Variants in TNFRSF21 observed in about 807,000 individuals in gnomAD.
TNFRSF21 encodes the protein tumor necrosis factor receptor superfamily member 21.
Under a neutral mutation model 45.6 loss-of-function variants are expected in TNFRSF21, and 19 were observed. That is an observed-to-expected ratio of 0.42 (90% CI 0.29 to 0.61). The LOEUF (loss-of-function observed/expected upper bound fraction) is 0.61, where lower values mean the gene tolerates loss of function less well. Among genes scored for constraint, TNFRSF21 ranks in the 20% least tolerant of loss-of-function variants. TNFRSF21 has a pLI of 0.23. For missense variants in TNFRSF21, 737 were observed against 851.5 expected (o/e 0.87, Z 1.67); for synonymous variants, 314 against 335.5 (o/e 0.94, Z 0.70).
At chr6:47,237,983 G>A (rs538224639) in intron 4 of TNFRSF21, among the ~76,000 whole-genome samples, 5 of 152,288 alleles carry the variant, frequency 3.3e-5, no homozygotes, top group African/African-American at 1.2e-4. Context: ...CAGGGAGGTG[G>A]AGGTTGCAGT....
chr6:47,259,905 A>C (rs7744365), intron 3 of TNFRSF21, among the ~76,000 whole-genome samples: 1 of 152,138 alleles, frequency 6.6e-6, no homozygotes, highest in Non-Finnish European at 1.5e-5. Context: ...CAGATTTGTG[A>C]CTTGTTAGTT....
intron 3 of TNFRSF21, among the ~76,000 whole-genome samples, chr6:47,277,189 C>T (rs1297442545): frequency 6.6e-6 from 1 of 152,182 alleles, no homozygotes; most frequent in African/African-American, 2.4e-5. Flanking sequence ...GACAGAGTTT[C>T]GCCAAGTTGG....
chr6:47,300,977 A>G (rs1015500216), intron 1 of TNFRSF21, among the ~76,000 whole-genome samples: 1 of 152,262 alleles, frequency 6.6e-6, no homozygotes, highest in African/African-American at 2.4e-5. Flanking sequence ...AAGCAGGTAC[A>G]TACACATTAG....
intron 1 of TNFRSF21, among the ~76,000 whole-genome samples, chr6:47,295,624 A>G (rs1762780717): frequency 6.6e-6 from 1 of 152,198 alleles, no homozygotes; most frequent in African/African-American, 2.4e-5. Context: ...TTTTATTTTG[A>G]GCATCACATT....
intron 3 of TNFRSF21, among the ~76,000 whole-genome samples, chr6:47,266,306 A>AT (rs1762332466): frequency 1.3e-5 from 2 of 151,646 alleles, no homozygotes; most frequent in African/African-American, 2.4e-5. Context: ...GGAAGGAAAC[A>AT]TTTTTTTTCT....
intron 1 of TNFRSF21, among the ~76,000 whole-genome samples, chr6:47,300,343 C>A (rs888595855): frequency 6.6e-6 from 1 of 152,170 alleles, no homozygotes; most frequent in Non-Finnish European, 1.5e-5. Context: ...TCCTTCCTAT[C>A]TCGCCATCAG....
At chr6:47,288,084 G>T (rs1242305306) in intron 1 of TNFRSF21, among the ~76,000 whole-genome samples, 2 of 152,200 alleles carry the variant, frequency 1.3e-5, no homozygotes, top group Non-Finnish European at 2.9e-5. Flanking sequence ...GTATATATGT[G>T]CACCAGAAGG....
intron 4 of TNFRSF21, among the ~76,000 whole-genome samples, chr6:47,248,362 G>A (rs1314716586): frequency 4.6e-5 from 7 of 152,110 alleles, no homozygotes; most frequent in Non-Finnish European, 7.4e-5. Context: ...TAGAGAAATT[G>A]TTTGCCCAGG....
chr6:47,233,035 C>T (rs1320947055), intron 5 of TNFRSF21, 41 bp from the exon 6 acceptor site: 1 of 1,597,538 alleles, frequency 6.3e-7, no homozygotes, highest in Non-Finnish European at 8.6e-7. Context: ...TGTAAGGTGA[C>T]TGTACTGGCA....
intron 4 of TNFRSF21, among the ~76,000 whole-genome samples, chr6:47,242,751 T>C (rs1376427394): frequency 6.6e-6 from 1 of 152,100 alleles, no homozygotes; most frequent in African/African-American, 2.4e-5. Flanking sequence ...AAAGAGGAAG[T>C]GAGGACAGTG....
chr6:47,242,693 G>T (rs113630792), intron 4 of TNFRSF21, among the ~76,000 whole-genome samples: 68 of 152,328 alleles, frequency 4.5e-4, no homozygotes, highest in African/African-American at 1.5e-3. Context: ...TGACATCAAC[G>T]GTAGTGGTGT....
intron 4 of TNFRSF21, among the ~76,000 whole-genome samples, chr6:47,246,677 A>G (rs1884311): frequency 0.091 from 13,845 of 152,300 alleles, 1,413 homozygotes; most frequent in East Asian, 0.49. Context: ...CAAGGATGTA[A>G]GTAAAACAGA....
At chr6:47,247,744 C>T (rs1764843582) in intron 4 of TNFRSF21, among the ~76,000 whole-genome samples, 1 of 152,234 alleles carries the variant, frequency 6.6e-6, no homozygotes, top group African/African-American at 2.4e-5. Context: ...CAGGATCCAA[C>T]ACAGAGTCTA....
intron 1 of TNFRSF21, among the ~76,000 whole-genome samples, chr6:47,291,199 C>T (rs1055484965): frequency 2.0e-5 from 3 of 152,214 alleles, no homozygotes; most frequent in Admixed American, 6.5e-5. Flanking sequence ...AACTAAAAAG[C>T]TTGTGGCTCT....
chr6:47,292,062 C>A (rs1318712461), intron 1 of TNFRSF21, among the ~76,000 whole-genome samples: 1 of 152,170 alleles, frequency 6.6e-6, no homozygotes, highest in Non-Finnish European at 1.5e-5. Context: ...AAATCATTCC[C>A]AGTGATGATC....
chr6:47,257,006 A>C (rs1034902131), intron 3 of TNFRSF21, among the ~76,000 whole-genome samples: 1 of 152,178 alleles, frequency 6.6e-6, no homozygotes, highest in Non-Finnish European at 1.5e-5. Context: ...GGATAAGCTG[A>C]TTAACATTTT....
intron 4 of TNFRSF21, among the ~76,000 whole-genome samples, chr6:47,247,975 TAAG>T (rs1318307753): frequency 1.3e-5 from 2 of 152,210 alleles, no homozygotes; most frequent in Non-Finnish European, 2.9e-5. Flanking sequence ...GAAGGAGAGA[TAAG>T]AAGTAGAGCA....
chr6:47,236,144 C>G (rs1369996444), intron 4 of TNFRSF21, among the ~76,000 whole-genome samples: 1 of 152,200 alleles, frequency 6.6e-6, no homozygotes, highest in Non-Finnish European at 1.5e-5. Context: ...AGCCAGTGCT[C>G]AACTCAGGCC....
intron 2 of TNFRSF21, among the ~76,000 whole-genome samples, chr6:47,285,294 TTGAGGTTC>T (rs1762629694): frequency 6.6e-6 from 1 of 152,208 alleles, no homozygotes; most frequent in African/African-American, 2.4e-5. Flanking sequence ...TATATTCTGC[TTGAGGTTC>T]TGATGGAAAA....
Sources: gnomAD v4.1 joint callset for allele counts (sites outside exome capture counted in the v4.1 genomes callset) on GRCh38, gnomAD v4.1.1 for gene constraint, MANE v1.5 for transcripts, NCBI Gene and HGNC (gene_info 2026-07-23, HGNC 2026-07-21) for gene names.